The following LRRTM4 variants were observed in gnomAD, a reference collection of about 807,000 sequenced individuals.
The protein encoded by LRRTM4 is leucine-rich repeat transmembrane neuronal protein 4.
A neutral mutation model predicts 47.6 loss-of-function variants in LRRTM4; 25 were observed. The observed-to-expected ratio is 0.53, with a 90% CI of 0.38 to 0.73. The LOEUF is 0.73. Ranked by LOEUF, LRRTM4 falls within the 30% of genes least tolerant of loss-of-function variation. The pLI is 0.00. For synonymous variants in LRRTM4, 311 were observed against 269.5 expected (o/e 1.15, Z -1.51); for missense variants, 638 against 713.4 (o/e 0.89, Z 1.20).
chr2:77,253,852 G>C (rs1349255418), intron 3 of LRRTM4, among the ~76,000 whole-genome samples: 1 of 152,034 alleles, frequency 6.6e-6, no homozygotes. Context: ...AGAAAGCAAA[G>C]CCTCAGGAAT....
intron 3 of LRRTM4, among the ~76,000 whole-genome samples, chr2:77,286,425 A>G (rs997616892): frequency 6.6e-6 from 1 of 151,920 alleles, no homozygotes; most frequent in African/African-American, 2.4e-5. Context: ...CTTTAATTAA[A>G]AATAGTTAAA....
intron 3 of LRRTM4, among the ~76,000 whole-genome samples, chr2:77,306,485 A>C (rs1004277064): frequency 1.3e-5 from 2 of 152,204 alleles, no homozygotes; most frequent in Non-Finnish European, 2.9e-5. Flanking sequence ...TTGGGAGCAG[A>C]CATATCCCAA....
chr2:76,768,793 C>G (rs974096590), intron 3 of LRRTM4, among the ~76,000 whole-genome samples: 1 of 152,128 alleles, frequency 6.6e-6, no homozygotes, highest in African/African-American at 2.4e-5. Context: ...ATTGCGGAGA[C>G]TTCACTGAAA....
chr2:77,095,598 C>G (rs1444738956), intron 3 of LRRTM4, among the ~76,000 whole-genome samples: 1 of 151,714 alleles, frequency 6.6e-6, no homozygotes, highest in African/African-American at 2.4e-5. Context: ...CTCCCCCTCC[C>G]CGGTTCAAAT....
intron 3 of LRRTM4, among the ~76,000 whole-genome samples, chr2:77,431,982 G>A (rs1005238292): frequency 6.6e-6 from 1 of 152,142 alleles, no homozygotes; most frequent in East Asian, 1.9e-4. Flanking sequence ...GCTGAAGCAG[G>A]AGAATCACTT....
chr2:77,410,419 T>C (rs415974), intron 3 of LRRTM4, among the ~76,000 whole-genome samples: 124,348 of 152,064 alleles, frequency 0.82, 51,649 homozygotes, highest in Non-Finnish European at 0.89. Context: ...GCCCTAAAGA[T>C]TTTGGTCCTC....
At chr2:76,971,108 G>C (rs946908423) in intron 3 of LRRTM4, among the ~76,000 whole-genome samples, 1 of 152,012 alleles carries the variant, frequency 6.6e-6, no homozygotes, top group African/African-American at 2.4e-5. Flanking sequence ...CTGTGCTAGG[G>C]CTGATGCTAG....
intron 3 of LRRTM4, among the ~76,000 whole-genome samples, chr2:77,378,342 T>A (rs897789407): frequency 6.6e-6 from 1 of 152,126 alleles, no homozygotes; most frequent in African/African-American, 2.4e-5. Context: ...AAAAAATTTG[T>A]TTGATTTTCT....
chr2:76,756,479 T>G (rs1673033595), intron 3 of LRRTM4, among the ~76,000 whole-genome samples: 1 of 152,176 alleles, frequency 6.6e-6, no homozygotes, highest in Non-Finnish European at 1.5e-5. Context: ...TCTCTCATAT[T>G]GAATTAGAAT....
At chr2:77,055,715 A>C (rs999861690) in intron 3 of LRRTM4, among the ~76,000 whole-genome samples, 5 of 151,974 alleles carry the variant, frequency 3.3e-5, no homozygotes, top group African/African-American at 1.2e-4. Context: ...ACTATAAATC[A>C]TGCTGCTATA....
At chr2:77,032,683 C>T (rs1300601943) in intron 3 of LRRTM4, among the ~76,000 whole-genome samples, 3 of 152,054 alleles carry the variant, frequency 2.0e-5, no homozygotes, top group Non-Finnish European at 4.4e-5. Flanking sequence ...TCATAGACCC[C>T]AGTGTTATTC....
At chr2:76,997,983 G>A (rs987623134) in intron 3 of LRRTM4, among the ~76,000 whole-genome samples, 5 of 152,068 alleles carry the variant, frequency 3.3e-5, no homozygotes, top group African/African-American at 9.6e-5. Flanking sequence ...ACCCCAAGAT[G>A]GGACTGTCTA....
In LRRTM4 at chr2:77,447,729, C is replaced by T. The variant is rs181929308; in HGVS notation, c.1551+70589G>A. On this transcript the variant is annotated intron_variant, in intron 3 of 3. Transcript: ENST00000409884. ...AAGTTTTTGAGTATCAGACCCCTAACTCTGTTTCCCCCAAGCCCTGTGAAT... is the reference window on the plus strand; with the variant it reads ...AAGTTTTTGAGTATCAGACCCCTAATTCTGTTTCCCCCAAGCCCTGTGAAT... Among the ~76,000 whole-genome samples, 660 of 152,184 alleles carry T rather than the reference C, an allele frequency of 4.3e-3. 3 individuals are homozygous for T. The highest frequency in any genetic ancestry group is 6.2e-3 in the Admixed American group (94 of 15,268).
intron 3 of LRRTM4, among the ~76,000 whole-genome samples, chr2:76,853,430 G>C (rs1288856685): frequency 6.6e-6 from 1 of 152,022 alleles, no homozygotes; most frequent in African/African-American, 2.4e-5. Flanking sequence ...CATCTAAGTA[G>C]AAGTCAATTG....
intron 3 of LRRTM4, among the ~76,000 whole-genome samples, chr2:77,318,256 T>C (rs1022226674): frequency 7.2e-5 from 11 of 152,190 alleles, no homozygotes; most frequent in African/African-American, 2.7e-4. Flanking sequence ...TCCACCAGCC[T>C]TGGCCTCCCA....
At chr2:76,864,352 T>C (rs1240422997) in intron 3 of LRRTM4, among the ~76,000 whole-genome samples, 1 of 152,062 alleles carries the variant, frequency 6.6e-6, no homozygotes, top group Non-Finnish European at 1.5e-5. Flanking sequence ...AACCTTTTGT[T>C]AGGAATTTTA....
At chr2:76,772,544 A>G (rs565460976) in intron 3 of LRRTM4, among the ~76,000 whole-genome samples, 77 of 152,342 alleles carry the variant, frequency 5.1e-4, no homozygotes, top group African/African-American at 1.7e-3. Context: ...TGAACATGAC[A>G]GTCTCAATTT....
At chr2:77,318,151 C>G (rs992920891) in intron 3 of LRRTM4, among the ~76,000 whole-genome samples, 1 of 151,778 alleles carries the variant, frequency 6.6e-6, no homozygotes, top group African/African-American at 2.4e-5. Flanking sequence ...GGACTACAGG[C>G]GCCCGCCACC....
At chr2:77,363,596 G>A (rs980677662) in intron 3 of LRRTM4, among the ~76,000 whole-genome samples, 1 of 152,116 alleles carries the variant, frequency 6.6e-6, no homozygotes, top group Admixed American at 6.6e-5. Flanking sequence ...ATGGTTTACT[G>A]AGCTTTGCAT....
Sources: gnomAD v4.1 joint callset for allele counts (sites outside exome capture counted in the v4.1 genomes callset) on GRCh38, gnomAD v4.1.1 for gene constraint, MANE v1.5 for transcripts, NCBI Gene and HGNC (gene_info 2026-07-23, HGNC 2026-07-21) for gene names.